STK32B: variants seen among roughly 807,000 people sequenced by gnomAD.
STK32B encodes serine/threonine kinase 32B, also known as serine/threonine-protein kinase 32B.
A neutral mutation model predicts 52.6 loss-of-function variants in STK32B; 43 were observed. That is an observed-to-expected ratio of 0.82 (90% confidence interval 0.64 to 1.05). The LOEUF (loss-of-function observed/expected upper bound fraction) is 1.05, where lower values mean the gene tolerates loss of function less well. Ranked by LOEUF, STK32B falls within the 50% of genes least tolerant of loss-of-function variation. STK32B has a pLI of 0.00. For missense variants in STK32B, 621 were observed against 534.6 expected (o/e 1.16, Z -1.59); for synonymous variants, 238 against 204.3 (o/e 1.17, Z -1.41).
intron 11 of STK32B, among the ~76,000 whole-genome samples, chr4:5,468,582 T>C (rs1717615713): frequency 6.6e-6 from 1 of 152,072 alleles, no homozygotes; most frequent in African/African-American, 2.4e-5. Flanking sequence ...GTAATGACGA[T>C]TGTTACTAAT....
the STK32B span, among the ~76,000 whole-genome samples, chr4:5,030,483 C>G: frequency 2.6e-5 from 4 of 152,200 alleles, no homozygotes; most frequent in African/African-American, 9.7e-5. Context: ...GCATGATAGT[C>G]TGGGTGCCTG....
intron 1 of STK32B, among the ~76,000 whole-genome samples, chr4:5,054,512 G>GT (rs1361962422): frequency 6.2e-5 from 8 of 129,476 alleles, no homozygotes; most frequent in African/African-American, 2.1e-4. Flanking sequence ...CCTGGCTCAT[G>GT]TGGGGGGATT....
intron 1 of STK32B, among the ~76,000 whole-genome samples, chr4:5,066,151 A>G (rs1396851499): frequency 5.3e-5 from 8 of 152,120 alleles, no homozygotes; most frequent in Non-Finnish European, 1.0e-4. Context: ...ACTTCACCAA[A>G]CTAATTTTCT....
intron 2 of STK32B, among the ~76,000 whole-genome samples, chr4:5,166,326 T>G (rs1718868019): frequency 6.6e-6 from 1 of 151,726 alleles, no homozygotes; most frequent in African/African-American, 2.4e-5. Context: ...TAGGCCTCAC[T>G]TTCCTCTCTC....
At chr4:5,462,280 GTA>G (rs1468457046) in intron 9 of STK32B, among the ~76,000 whole-genome samples, 2 of 151,476 alleles carry the variant, frequency 1.3e-5, no homozygotes, top group Admixed American at 6.6e-5. Flanking sequence ...GTGTGTGTGT[GTA>G]TGTGTCTGTG....
chr4:5,357,465 A>G (rs1476304318), intron 4 of STK32B, among the ~76,000 whole-genome samples: 1 of 152,156 alleles, frequency 6.6e-6, no homozygotes, highest in Non-Finnish European at 1.5e-5. Context: ...GAGCAAGGAT[A>G]AAATCTGGCA....
intron 11 of STK32B, among the ~76,000 whole-genome samples, chr4:5,484,522 T>G (rs1481032191): frequency 6.6e-6 from 1 of 152,206 alleles, no homozygotes; most frequent in African/African-American, 2.4e-5. Context: ...AGCACACGGA[T>G]AGGTCTTGAC....
chr4:5,417,786 G>C (rs553550724), intron 6 of STK32B, among the ~76,000 whole-genome samples: 8 of 152,186 alleles, frequency 5.3e-5, no homozygotes, highest in Admixed American at 3.3e-4. Context: ...CAATCACAAC[G>C]TTATTTCTCA....
At chr4:5,062,540 A>T (rs4597764) in intron 1 of STK32B, among the ~76,000 whole-genome samples, 65,369 of 151,534 alleles carry the variant, frequency 0.43, 14,490 homozygotes, top group South Asian at 0.6. Context: ...GGAGTCTTGC[A>T]CTGTCGCCCA....
At chr4:5,130,895 C>T (rs769241662) in intron 1 of STK32B, among the ~76,000 whole-genome samples, 5 of 152,168 alleles carry the variant, frequency 3.3e-5, no homozygotes, top group Non-Finnish European at 7.4e-5. Flanking sequence ...TCTTCTCATC[C>T]CCTGGGAAAT....
At position 5,499,176 on chromosome 4, in the gene STK32B, C is replaced by T; in HGVS notation, c.*93C>T. On this transcript the variant is annotated 3_prime_UTR_variant, in exon 12 of 12. Transcript: ENST00000282908. ...GTGCCCTGATGGTCCCTGTCTCACC[C>T]CTGAAAACATCAGATGCAGAAAAAG... The T allele has an allele frequency of 2.8e-6, 4 of 1,434,252 alleles. No individual in the cohort carries two copies. Among genetic ancestry groups the T allele is most frequent in the Non-Finnish European group, 3.7e-6 (4 of 1,083,258 alleles). The allele number at this position is 1,434,252 out of a possible 1,614,324, so 88.8% of individuals were successfully genotyped here.
intron 3 of STK32B, among the ~76,000 whole-genome samples, chr4:5,174,024 C>G (rs978066445): frequency 3.9e-5 from 6 of 152,132 alleles, no homozygotes; most frequent in Non-Finnish European, 2.9e-5. Flanking sequence ...GTAGTTAGTT[C>G]TTGTTGAATT....
At chr4:5,295,125 A>G (rs7693004) in intron 3 of STK32B, among the ~76,000 whole-genome samples, 49,243 of 152,032 alleles carry the variant, frequency 0.32, 12,935 homozygotes, top group African/African-American at 0.73. Flanking sequence ...GGATGAAGCC[A>G]ACTTAATTGT....
intron 3 of STK32B, among the ~76,000 whole-genome samples, chr4:5,177,699 T>C (rs1045020338): frequency 4.6e-5 from 7 of 152,306 alleles, no homozygotes; most frequent in Non-Finnish European, 8.8e-5. Context: ...TAGGTAAATA[T>C]ACCCATTCCA....
At chr4:5,091,224 T>C (rs1429765567) in intron 1 of STK32B, among the ~76,000 whole-genome samples, 2 of 152,044 alleles carry the variant, frequency 1.3e-5, no homozygotes, top group Non-Finnish European at 2.9e-5. Context: ...ATAAAAAATA[T>C]AAATTAGATT....
intron 4 of STK32B, among the ~76,000 whole-genome samples, chr4:5,334,322 G>A (rs1732481388): frequency 6.6e-6 from 1 of 152,026 alleles, no homozygotes; most frequent in Non-Finnish European, 1.5e-5. Context: ...TTTATACATT[G>A]ATTTTGTATC....
chr4:5,346,917 T>C (rs1733504719), intron 4 of STK32B, among the ~76,000 whole-genome samples: 1 of 152,142 alleles, frequency 6.6e-6, no homozygotes, highest in African/African-American at 2.4e-5. Context: ...ATGTCTTAGA[T>C]GGTGGCAAGT....
At chr4:5,249,928 C>T (rs866840980) in intron 3 of STK32B, among the ~76,000 whole-genome samples, 2 of 152,230 alleles carry the variant, frequency 1.3e-5, no homozygotes, top group Non-Finnish European at 2.9e-5. Flanking sequence ...CTCAAGGAGG[C>T]GCTGGTTTCA....
At chr4:5,471,815 A>G (rs1717876894) in intron 11 of STK32B, among the ~76,000 whole-genome samples, 1 of 152,112 alleles carries the variant, frequency 6.6e-6, no homozygotes, top group Admixed American at 6.5e-5. Context: ...TAAAGCTGCA[A>G]ACCCTCCCAG....
Sources: allele counts gnomAD v4.1 joint callset (sites outside exome capture counted in the v4.1 genomes callset), GRCh38; gene constraint gnomAD v4.1.1; transcripts MANE v1.5; gene names NCBI Gene and HGNC (gene_info 2026-07-23, HGNC 2026-07-21).